The following SF3B1 variants were observed in gnomAD, a reference collection of about 807,000 sequenced individuals.
SF3B1 encodes pre-mRNA processing 10.
SF3B1 carries 12 observed loss-of-function variants against 153.8 expected under a neutral mutation model. That is an observed-to-expected ratio of 0.08 (90% confidence interval 0.05 to 0.13). The LOEUF is 0.13. Among genes scored for constraint, SF3B1 ranks in the 10% least tolerant of loss-of-function variants. The pLI is 1.00. For missense variants in SF3B1, 513 were observed against 1,606.1 expected, an observed-to-expected ratio of 0.32 and a Z score of 11.63; for synonymous variants, 498 against 525.2, an observed-to-expected ratio of 0.95 and a Z score of 0.71.
upstream of SF3B1, chr2:197,435,089 A>G: frequency 6.3e-7 from 1 of 1,590,736 alleles, no homozygotes; most frequent in Non-Finnish European, 8.6e-7. Flanking sequence ...TGGGGGCTGC[A>G]CTCTGCGCGT....
Position 197,400,820 on chromosome 2 carries a change from T to C in SF3B1, c.2613A>G (p.Thr871=). 6.2e-7 allele frequency: 1 copy of C among 1,613,098 alleles called. No homozygotes were observed. Among genetic ancestry groups the C allele is most frequent in the Non-Finnish European group, 8.5e-7 (1 of 1,179,222 alleles). ...CCAAATTACCCATAATTTTCTCAAT[T>C]GTCTCCATCACCATTTTTCTGTACT... ...AEQYRKMVME[T]IEKIMGNLGA... The change falls in exon 18 of 25, where the codon ACA becomes ACG. Residue 871 remains threonine (T), a synonymous_variant. Coordinates refer to ENST00000335508, the MANE Select transcript of SF3B1 (RefSeq NM_012433.4). The surrounding 1 kb of genome is among the most constrained non-coding windows in gnomAD (Gnocchi z 5.0).
chr2:197,395,348 T>C (rs2084864559), intron 23 of SF3B1, among the ~76,000 whole-genome samples: 1 of 152,216 alleles, frequency 6.6e-6, no homozygotes, highest in South Asian at 2.1e-4. Context: ...AAGTCTCCCT[T>C]TCAGAAGGTT....
intron 7 of SF3B1, among the ~76,000 whole-genome samples, chr2:197,409,561 CTT>C (rs1466203177): frequency 1.3e-5 from 2 of 152,160 alleles, no homozygotes; most frequent in Non-Finnish European, 2.9e-5. Context: ...AGCCTACTAA[CTT>C]TACTTTTACC....
At chr2:197,405,026 A>T (rs1320240897) in intron 11 of SF3B1, 50 bp downstream of exon 11, 1 of 1,285,886 alleles carries the variant, frequency 7.8e-7, no homozygotes. Context: ...AATTTTTTTT[A>T]ATTAAATAAA....
intron 1 of SF3B1, among the ~76,000 whole-genome samples, chr2:197,426,732 T>C (rs984694289): frequency 2.0e-5 from 3 of 152,182 alleles, no homozygotes; most frequent in Non-Finnish European, 4.4e-5. Flanking sequence ...CCCAGGATTC[T>C]GCATCATTAA....
At chr2:197,412,623 T>C (rs981286536) in intron 6 of SF3B1, among the ~76,000 whole-genome samples, 2 of 151,714 alleles carry the variant, frequency 1.3e-5, no homozygotes, top group East Asian at 2.0e-4. Context: ...CCCAAAGTGC[T>C]GGGATTACAG....
chr2:197,399,652 C>T (rs1261720867), intron 20 of SF3B1, among the ~76,000 whole-genome samples: 1 of 152,038 alleles, frequency 6.6e-6, no homozygotes, highest in Non-Finnish European at 1.5e-5. Flanking sequence ...CTGTCATAAT[C>T]GCTAATTCAA....
At chr2:197,394,692 TC>T (rs1356064537) in intron 23 of SF3B1, among the ~76,000 whole-genome samples, 2 of 151,868 alleles carry the variant, frequency 1.3e-5, no homozygotes, top group African/African-American at 4.8e-5. Context: ...GATCACGAGG[TC>T]AGGAGATGGA....
chr2:197,403,071 C>T (rs749326390), intron 12 of SF3B1, 36 bp from the exon 13 acceptor site: 2 of 1,386,086 alleles, frequency 1.4e-6, no homozygotes, highest in South Asian at 2.4e-5. Flanking sequence ...TACACTTTCA[C>T]ATCAATTACT....
At chr2:197,417,945 C>A (rs1015656584) in intron 5 of SF3B1, among the ~76,000 whole-genome samples, 3 of 151,438 alleles carry the variant, frequency 2.0e-5, no homozygotes, top group Admixed American at 6.6e-5. Context: ...CAGAAACCAC[C>A]CCTGTAATGG....
At chr2:197,406,246 A>G (rs1245955700) in intron 9 of SF3B1, among the ~76,000 whole-genome samples, 1 of 151,754 alleles carries the variant, frequency 6.6e-6, no homozygotes, top group Admixed American at 6.6e-5. Flanking sequence ...TCTATTTTAT[A>G]TAATTTAATA....
Position 197,401,662 on chromosome 2 carries a change from T to A in SF3B1, c.2370+80A>T, listed in dbSNP as rs565333974. 7.6e-5 allele frequency: 115 copies of A among 1,516,078 alleles called. 1 individual carries two copies. In the South Asian group the frequency reaches 1.3e-3, roughly 17 times the overall value. 93.9% of individuals were successfully genotyped at this position (1,516,078 alleles called of 1,614,324 possible). On this transcript the variant is annotated intron_variant, in intron 16 of 24. Coordinates refer to ENST00000335508, the MANE Select transcript of SF3B1 (RefSeq NM_012433.4). The surrounding 1 kb of genome is among the most constrained non-coding windows in gnomAD (Gnocchi z 4.2). ...TTCGTGTAACATACAGTTTTTTTTG[T>A]TGATTTTTAAAAACACTTTAAAATT...
intron 5 of SF3B1, 97 bp downstream of exon 5, chr2:197,418,412 G>T: frequency 3.6e-6 from 3 of 832,804 alleles, no homozygotes; most frequent in Non-Finnish European, 5.6e-6. Flanking sequence ...ACTATTATTT[G>T]TGCAGCAAAT....
chr2:197,408,043 T>G lies in SF3B1; in HGVS notation c.1194A>C (p.Pro398=), dbSNP rs71422649. Residue 398 remains proline (P), a synonymous_variant, in exon 9 of 25, where the codon CCA becomes CCC. Coordinates refer to ENST00000335508, the MANE Select transcript of SF3B1 (RefSeq NM_012433.4). ...WEREIDERNR[P]LSDEELDAMF... is the part of the protein sequence containing the mutation. ...TAGCATCTAATTCCTCATCAGAAAG[T>G]GGGCGATTTCTCTCATCAATTTCTC... 1.8e-3 allele frequency: 2,882 copies of G among 1,613,484 alleles called. 7 individuals carry two copies. The highest frequency in any genetic ancestry group is 1.3e-3 in the Non-Finnish European group (1,582 of 1,179,444).
intron 6 of SF3B1, among the ~76,000 whole-genome samples, chr2:197,413,818 T>TG (rs113567358): frequency 3.4e-4 from 51 of 152,044 alleles, no homozygotes; most frequent in African/African-American, 1.1e-3. Flanking sequence ...TGTTTTGTTT[T>TG]TTTTTTTGAG....
At chr2:197,407,960 T>C (rs1217147594) in intron 9 of SF3B1, 38 bp downstream of exon 9, 2 of 1,578,824 alleles carry the variant, frequency 1.3e-6, no homozygotes, top group Admixed American at 1.7e-5. Flanking sequence ...AATAAATGTA[T>C]ATCCTAAATA....
chr2:197,431,854 C>T lies in SF3B1; in HGVS notation c.28+3118G>A, dbSNP rs72914927. 5.3e-3 allele frequency among the ~76,000 whole-genome samples: 807 copies of T among 152,168 alleles called. 2 individuals are homozygous for T. Among genetic ancestry groups the T allele is most frequent in the Non-Finnish European group, 7.6e-3 (518 of 67,984 alleles). Reference sequence around the variant, plus strand: ...TAAAAAAAATTTCAAGGCCAGGCATCGTGGCTCACACCTGTAATCCTAGCA... The same window carrying T: ...TAAAAAAAATTTCAAGGCCAGGCATTGTGGCTCACACCTGTAATCCTAGCA... On this transcript the variant is annotated intron_variant, in intron 1 of 24. Coordinates refer to ENST00000335508, the MANE Select transcript of SF3B1 (RefSeq NM_012433.4).
chr2:197,417,640 C>A (rs1274826149), intron 5 of SF3B1, among the ~76,000 whole-genome samples: 1 of 151,652 alleles, frequency 6.6e-6, no homozygotes, highest in Non-Finnish European at 1.5e-5. Context: ...ACCTGCAATC[C>A]CAGAAACTCG....
intron 6 of SF3B1, among the ~76,000 whole-genome samples, chr2:197,413,615 C>T (rs577479485): frequency 1.3e-5 from 2 of 152,200 alleles, no homozygotes; most frequent in East Asian, 3.9e-4. Context: ...TAAATTAAAT[C>T]TATAGCAGTC....
Sources: gnomAD v4.1 joint callset for allele counts (sites outside exome capture counted in the v4.1 genomes callset) on GRCh38, gnomAD v4.1.1 for gene constraint, Gnocchi (gnomAD v3.1) non-coding constraint, MANE v1.5 for transcripts, NCBI Gene and HGNC (gene_info 2026-07-23, HGNC 2026-07-21) for gene names.